FAM169A: variants seen among roughly 807,000 people sequenced by gnomAD.
FAM169A encodes soluble lamin-associated protein of 75 kDa.
Under a neutral mutation model 75.7 loss-of-function variants are expected in FAM169A, and 24 were observed. That is an observed-to-expected ratio of 0.32 (90% CI 0.23 to 0.45). FAM169A has a LOEUF of 0.45. Ranked by LOEUF, FAM169A falls within the 20% of genes least tolerant of loss-of-function variation. FAM169A has a pLI of 1.00. For missense variants in FAM169A, 673 were observed against 784.0 expected (o/e 0.86, Z 1.69); for synonymous variants, 271 against 271.0 (o/e 1.00, Z 0.00).
At chr5:74,863,402 CAAT>C (rs917357663) in intron 1 of FAM169A, among the ~76,000 whole-genome samples, 1 of 152,082 alleles carries the variant, frequency 6.6e-6, no homozygotes, top group Non-Finnish European at 1.5e-5. Context: ...GTCTTAAATA[CAAT>C]AATCACACAA....
intron 11 of FAM169A, among the ~76,000 whole-genome samples, chr5:74,788,563 G>A (rs1320529732): frequency 6.6e-6 from 1 of 151,984 alleles, no homozygotes; most frequent in Non-Finnish European, 1.5e-5. Context: ...AAATTAGCCG[G>A]GCATGGTGGC....
At chr5:74,857,028 GA>G (rs964179905) in intron 1 of FAM169A, among the ~76,000 whole-genome samples, 4 of 146,166 alleles carry the variant, frequency 2.7e-5, no homozygotes, top group African/African-American at 1.0e-4. Flanking sequence ...AGAATGGTGT[GA>G]ATCCCGGAGC....
chr5:74,858,069 C>T (rs11948955), intron 1 of FAM169A, among the ~76,000 whole-genome samples: 11 of 151,652 alleles, frequency 7.3e-5, no homozygotes, highest in African/African-American at 2.7e-4. Flanking sequence ...AATTTGGGTA[C>T]TTCATGGAAT....
chr5:74,821,581 G>C (rs1747768439), intron 5 of FAM169A, among the ~76,000 whole-genome samples: 1 of 152,150 alleles, frequency 6.6e-6, no homozygotes, highest in South Asian at 2.1e-4. Flanking sequence ...TATACCACTA[G>C]GTATTCTCAT....
At chr5:74,785,760 A>AAC (rs924979475) in intron 11 of FAM169A, among the ~76,000 whole-genome samples, 3 of 152,288 alleles carry the variant, frequency 2.0e-5, no homozygotes, top group African/African-American at 4.8e-5. Context: ...TCTGTCTCAA[A>AAC]ACACACACAC....
intron 1 of FAM169A, among the ~76,000 whole-genome samples, chr5:74,849,815 T>C (rs1312929580): frequency 3.9e-5 from 6 of 152,200 alleles, no homozygotes; most frequent in Non-Finnish European, 8.8e-5. Flanking sequence ...TTTTCTACTA[T>C]GAGAGCCGAG....
intron 5 of FAM169A, among the ~76,000 whole-genome samples, chr5:74,822,024 C>T (rs1580126764): frequency 6.6e-6 from 1 of 152,184 alleles, no homozygotes; most frequent in Non-Finnish European, 1.5e-5. Flanking sequence ...GTATTTCTTA[C>T]ATGGTGACTA....
At chr5:74,810,516 G>A (rs1413130806) in intron 6 of FAM169A, among the ~76,000 whole-genome samples, 2 of 152,018 alleles carry the variant, frequency 1.3e-5, no homozygotes, top group South Asian at 2.1e-4. Flanking sequence ...TTGGGAGTCC[G>A]AGGCGGGTGG....
At chr5:74,848,902 T>A (rs1749297939) in intron 1 of FAM169A, 1 of 151,666 alleles carries the variant, frequency 6.6e-6, no homozygotes, top group African/African-American at 2.4e-5. Context: ...TTTAAGCTTC[T>A]GTTCTATGTT....
intron 4 of FAM169A, among the ~76,000 whole-genome samples, chr5:74,836,985 C>G (rs1748603489): frequency 6.6e-6 from 1 of 151,188 alleles, no homozygotes; most frequent in Non-Finnish European, 1.5e-5. Flanking sequence ...CCTAAGGTAA[C>G]TAAGGCTGAA....
At chr5:74,839,521 A>C (rs56781077) in intron 3 of FAM169A, among the ~76,000 whole-genome samples, 1 of 138,386 alleles carries the variant, frequency 7.2e-6, no homozygotes, top group Admixed American at 7.4e-5. Flanking sequence ...GTCAATTTTT[A>C]ATTTTTTTTT....
intron 1 of FAM169A, among the ~76,000 whole-genome samples, chr5:74,849,104 C>T (rs898647722): frequency 2.0e-5 from 3 of 152,168 alleles, no homozygotes; most frequent in Non-Finnish European, 2.9e-5. Context: ...ACAAATTAAG[C>T]GAATGGTATG....
Position 74,783,060 on chromosome 5 carries a change from T to C in FAM169A, c.1335A>G (p.Glu445=), listed in dbSNP as rs766166456. 3 of 1,613,800 alleles carry C rather than the reference T, an allele frequency of 1.9e-6. No individual in the cohort carries two copies. The highest frequency in any genetic ancestry group is 1.7e-5 in the Admixed American group (1 of 60,034). ...SLKTSLITEE[E]DSTSEVLDEE... ...CATCTAAAACTTCACTAGTGGAGTC[T>C]TCCTCTTCTGTTATAAGTGAGGTCT... The change falls in exon 12 of 13, where the codon GAA becomes GAG. Residue 445 remains glutamate, a synonymous_variant. Transcript: ENST00000687041.
chr5:74,833,395 T>C (rs1174962332), intron 5 of FAM169A, among the ~76,000 whole-genome samples: 2 of 152,196 alleles, frequency 1.3e-5, no homozygotes, highest in East Asian at 1.9e-4. Flanking sequence ...ACTGGTTCTA[T>C]TTCAAATTTA....
intron 11 of FAM169A, 116 bp downstream of exon 11, chr5:74,795,914 T>C (rs1264191909): frequency 4.6e-6 from 5 of 1,081,704 alleles, no homozygotes; most frequent in Non-Finnish European, 6.5e-6. Context: ...TTTTTAACAC[T>C]AAACGCAATT....
In FAM169A at chr5:74,799,735, T is replaced by C. The variant is rs1746463732; in HGVS notation, c.1103+1145A>G. On this transcript the variant is annotated intron_variant, in intron 10 of 12. Coordinates refer to ENST00000687041, the MANE Select transcript of FAM169A (RefSeq NM_001376049.1). ...CTCAATCTGAAGACGGAGTTCCAGC[T>C]GCTCCTGAGTGTGTCATCTGTCTCA... 3.5e-6 allele frequency: 4 copies of C among 1,155,482 alleles called. No homozygotes were observed. The South Asian group carries it at 3.7e-5, about 11-fold the overall frequency. The allele number at this position is 1,155,482 out of a possible 1,614,324, so 71.6% of individuals were successfully genotyped here. A position where few individuals can be genotyped will look rare whatever the true frequency, so the allele number is the denominator to read the frequency against.
chr5:74,866,710 G>A (rs1477475539), upstream of FAM169A: 11 of 978,056 alleles, frequency 1.1e-5, no homozygotes, highest in African/African-American at 3.5e-5. Context: ...TTAAGCCGCG[G>A]GGGCTGCAAC....
chr5:74,794,274 C>A (rs1052949862), intron 11 of FAM169A, among the ~76,000 whole-genome samples: 9 of 142,164 alleles, frequency 6.3e-5, no homozygotes, highest in Non-Finnish European at 1.4e-4. Context: ...GGCACCTGTA[C>A]TCCCAGCTAC....
intron 11 of FAM169A, among the ~76,000 whole-genome samples, chr5:74,789,437 C>T (rs1160322814): frequency 6.6e-6 from 1 of 152,182 alleles, no homozygotes; most frequent in Non-Finnish European, 1.5e-5. Context: ...CACAAGTTGG[C>T]CTATTTGGAT....
Sources: gnomAD v4.1 joint callset for allele counts (sites outside exome capture counted in the v4.1 genomes callset) on GRCh38, gnomAD v4.1.1 for gene constraint, MANE v1.5 for transcripts, NCBI Gene and HGNC (gene_info 2026-07-23, HGNC 2026-07-21) for gene names.